MED16: variants seen among roughly 807,000 people sequenced by gnomAD.
The protein encoded by MED16 is mediator complex subunit 16.
A neutral mutation model predicts 84.4 loss-of-function variants in MED16; 81 were observed. The observed-to-expected ratio is 0.96, with a 90% CI of 0.80 to 1.15. The LOEUF is 1.15. Among genes scored for constraint, MED16 ranks in the 50% most tolerant of loss-of-function variants. The probability of loss-of-function intolerance (pLI) is 0.00; values close to 1 mark genes in which losing one functional copy is unlikely to be tolerated. For missense variants in MED16, 1,585 were observed against 1,245.9 expected (o/e 1.27, Z -4.10); for synonymous variants, 897 against 552.2 (o/e 1.62, Z -8.76).
chr19:876,876 G>GGGGCCCCCACCTGCCACA, intron 9 of MED16, 98 bp downstream of exon 9: 1 of 1,256,092 alleles, frequency 8.0e-7, no homozygotes, highest in Non-Finnish European at 1.1e-6. Context: ...CACCTGCCAC[G>GGGGCCCCCACCTGCCACA]GGGCCCCCAC....
chr19:891,171 G>T, intron 1 of MED16, 22 bp from the exon 2 acceptor site: 1 of 1,588,314 alleles, frequency 6.3e-7, no homozygotes, highest in Non-Finnish European at 8.6e-7. Context: ...AGGTGTGGTG[G>T]GACGTCTATG....
At chr19:890,069 G>A in intron 3 of MED16, 68 bp downstream of exon 3, 1 of 1,262,628 alleles carries the variant, frequency 7.9e-7, no homozygotes, top group South Asian at 1.3e-5. Context: ...ACTGACCGGA[G>A]AAACACAGGG....
intron 1 of MED16, chr19:892,868 ACCCTGAGCCCCGAG>A (rs1263815104): frequency 7.6e-6 from 1 of 132,106 alleles, no homozygotes; most frequent in Non-Finnish European, 1.6e-5. Context: ...TCCGCCGCAA[ACCCTGAGCCCCGAG>A]CCCCGCGCCC....
At chr19:875,785 C>T (rs2036216682) in intron 9 of MED16, among the ~76,000 whole-genome samples, 1 of 152,144 alleles carries the variant, frequency 6.6e-6, no homozygotes, top group South Asian at 2.1e-4. Flanking sequence ...ACACCCCCAT[C>T]CCAGAGGCTG....
At chr19:875,518 T>G in intron 9 of MED16, 64 bp from the exon 10 acceptor site, 2 of 1,356,158 alleles carry the variant, frequency 1.5e-6, no homozygotes, top group South Asian at 1.3e-5. Flanking sequence ...AGGCTCCAGC[T>G]GAGGAGAAGA....
At position 868,235 on chromosome 19, in the gene MED16, C is replaced by G. The variant is rs1257496390; in HGVS notation, c.2500G>C (p.Gly834Arg). Residue 834 changes from glycine (G) to arginine (R), a missense_variant, in exon 16 of 16, where the codon GGG (glycine) becomes CGG (arginine). Gly to Arg is a moderately radical substitution (Grantham distance 125, BLOSUM62 -2). Coordinates refer to ENST00000325464, the MANE Select transcript of MED16 (RefSeq NM_005481.3). ...IKNCLAVEGR[G>R]PDACVTSRAS... ...CTGCTGGTCACGCAGGCGTCCGGCC[C>G]ACGGCCTTCAACAGCCCTGCAGGGC... 1.3e-6 allele frequency: 2 copies of G among 1,596,944 alleles called. No homozygotes were observed. Among genetic ancestry groups the G allele is most frequent in the Non-Finnish European group, 1.7e-6 (2 of 1,172,920 alleles).
chr19:891,201 A>G, intron 1 of MED16, 52 bp from the exon 2 acceptor site: 5 of 1,525,610 alleles, frequency 3.3e-6, no homozygotes, highest in Middle Eastern at 1.7e-4. Context: ...CACCCAGGGC[A>G]TGTGGAGTGC....
intron 5 of MED16, among the ~76,000 whole-genome samples, chr19:885,555 C>T (rs542190033): frequency 1.1e-4 from 16 of 152,214 alleles, no homozygotes; most frequent in South Asian, 1.0e-3. Flanking sequence ...GGCCACGAAG[C>T]GGGAGGAAGG....
At chr19:888,422 G>T (rs912891498) in intron 4 of MED16, among the ~76,000 whole-genome samples, 55 of 151,070 alleles carry the variant, frequency 3.6e-4, no homozygotes, top group African/African-American at 9.8e-5. Context: ...TACTCAGGAA[G>T]CTGAGGCAGG....
At chr19:877,295 CGTGTGTGGGCCT>C (rs1353765080) in intron 8 of MED16, 115 bp from the exon 9 acceptor site, 2 of 941,190 alleles carry the variant, frequency 2.1e-6, no homozygotes, top group Middle Eastern at 3.2e-4. Context: ...CGCGCACGCC[CGTGTGTGGGCCT>C]GTGTGCGCGC....
Position 886,085 on chromosome 19 carries a change from G to A in MED16, c.564C>T (p.Val188=), listed in dbSNP as rs759922229. 2.7e-5 allele frequency: 43 copies of A among 1,593,814 alleles called. No individual in the cohort carries two copies. The highest frequency in any genetic ancestry group is 3.5e-5 in the Non-Finnish European group (41 of 1,174,130). Residue 188 remains valine, a synonymous_variant, in exon 5 of 16, where the codon GTC becomes GTT. Coordinates refer to ENST00000325464, the MANE Select transcript of MED16 (RefSeq NM_005481.3). ...GWIAVTVSGL[V]TVSLLKPSGQ... is the part of the protein sequence containing the mutation. ...CGCTGGGCTTCAGCAGGGACACGGT[G>A]ACCAGGCCGCTGACCGTCACCGCGA...
intron 6 of MED16, among the ~76,000 whole-genome samples, chr19:882,621 G>A (rs62132311): frequency 4.4e-4 from 67 of 152,374 alleles, no homozygotes; most frequent in African/African-American, 1.5e-3. Context: ...CCGGCCTGCT[G>A]GAGCATGTGC....
rs768284683 is a variant in MED16, at chr19:881,733, G to A, written c.986-19C>T. ...TCGCCAACTGAAAAATCAGGGGCAG[G>A]AAAACAGGAAGGCAATGGAGTAAAG... On this transcript the variant is annotated intron_variant, in intron 6 of 15. Transcript: ENST00000325464. 4.5e-5 allele frequency: 73 copies of A among 1,606,348 alleles called. 1 individual carries two copies. In the Middle Eastern group the frequency reaches 4.1e-3, roughly 91 times the overall value.
At chr19:881,058 T>C (rs923462686) in intron 7 of MED16, among the ~76,000 whole-genome samples, 2 of 151,938 alleles carry the variant, frequency 1.3e-5, no homozygotes, top group Non-Finnish European at 2.9e-5. Context: ...CGGGTTTTGA[T>C]AAATGCTCTT....
Position 869,125 on chromosome 19 carries a change from G to C in MED16, c.2316-179C>G, listed in dbSNP as rs369688868. On this transcript the variant is annotated intron_variant, in intron 13 of 15. Transcript: ENST00000325464. Reference sequence around the variant, plus strand: ...TGCGGGACCACCTGAGACAGGCCCAGTAAAGGGGGCGGGACCCCCCACACG... The same window carrying C: ...TGCGGGACCACCTGAGACAGGCCCACTAAAGGGGGCGGGACCCCCCACACG... 2.6e-5 allele frequency among the ~76,000 whole-genome samples: 4 copies of C among 152,304 alleles called. No individual in the cohort carries two copies. In the South Asian group the frequency reaches 8.3e-4, roughly 32 times the overall value.
chr19:875,561 G>T, intron 9 of MED16, 107 bp from the exon 10 acceptor site: 2 of 850,990 alleles, frequency 2.4e-6, no homozygotes, highest in Non-Finnish European at 3.6e-6. Context: ...CGCTCGGTCA[G>T]CTGGGCAAGC....
At chr19:875,995 C>T (rs1301450945) in intron 9 of MED16, among the ~76,000 whole-genome samples, 3 of 152,286 alleles carry the variant, frequency 2.0e-5, no homozygotes, top group South Asian at 2.1e-4. Flanking sequence ...TGGCACACAG[C>T]GACGGCCCAA....
rs756227651 is a variant in MED16 at position 876,963 on chromosome 19, C to A, written c.1560+11G>T. 6.2e-7 allele frequency: 1 copy of A among 1,600,222 alleles called. No individual in the cohort carries two copies. The highest frequency in any genetic ancestry group is 1.7e-5 in the Admixed American group (1 of 59,158). The stretch of plus-strand genomic sequence containing the variant: ...ACCTGCCACGGGGCCCCACCTGCCA[C>A]GGGCCCCCACCTGCTGCAGGGCAGC... On this transcript the variant is annotated intron_variant, in intron 9 of 15. Coordinates refer to ENST00000325464, the MANE Select transcript of MED16 (RefSeq NM_005481.3).
At chr19:868,283 G>C (rs541821935) in intron 15 of MED16, 32 bp from the exon 16 acceptor site, 4 of 1,588,972 alleles carry the variant, frequency 2.5e-6, no homozygotes, top group Non-Finnish European at 3.4e-6. Context: ...ACCGCGCCGA[G>C]GAGAGTCCAG....
Sources: gnomAD v4.1 joint callset for allele counts (sites outside exome capture counted in the v4.1 genomes callset) on GRCh38, gnomAD v4.1.1 for gene constraint, MANE v1.5 for transcripts, NCBI Gene and HGNC (gene_info 2026-07-23, HGNC 2026-07-21) for gene names.